Variants in ACAP2 observed in about 807,000 individuals in gnomAD.
ACAP2 encodes arf-GAP with coiled-coil, ANK repeat and PH domain-containing protein 2.
ACAP2 carries 39 observed loss-of-function variants against 115.8 expected under a neutral mutation model. The ratio of observed to expected loss-of-function variants is 0.34; its 90% CI spans 0.26 to 0.44. ACAP2 has a LOEUF of 0.44. Among genes scored for constraint, ACAP2 ranks in the 20% least tolerant of loss-of-function variants. The pLI, the probability that ACAP2 is intolerant of heterozygous loss-of-function variation, is 1.00. For synonymous variants in ACAP2, 289 were observed against 315.8 expected, an observed-to-expected ratio of 0.92 and a Z score of 0.90; for missense variants, 662 against 927.6, an observed-to-expected ratio of 0.71 and a Z score of 3.72.
chr3:195,408,219 TG>T lies in ACAP2; in HGVS notation c.54-16073del, dbSNP rs1712952249. Among the ~76,000 whole-genome samples the T allele has an allele frequency of 3.3e-5, 5 of 152,284 alleles. No homozygotes were observed. In the South Asian group the frequency reaches 1.0e-3, roughly 32 times the overall value. On this transcript the variant is annotated intron_variant, in intron 1 of 22. Coordinates refer to ENST00000326793, the MANE Select transcript of ACAP2 (RefSeq NM_012287.6). ...GCTCATGCCTGTAATCCCAGCACTTTGGGAGCCCAAGGCAGGCGGTCTGCTT... is the reference window on the plus strand; with the variant it reads ...GCTCATGCCTGTAATCCCAGCACTTTGGAGCCCAAGGCAGGCGGTCTGCTT...
intron 1 of ACAP2, among the ~76,000 whole-genome samples, chr3:195,392,482 TTTC>T (rs1180877874): frequency 6.6e-6 from 1 of 152,224 alleles, no homozygotes; most frequent in Non-Finnish European, 1.5e-5. Flanking sequence ...AAGAATTGGA[TTTC>T]TTGATAACAA....
chr3:195,291,817 T>A lies in ACAP2; in HGVS notation c.1954-2A>T. On this transcript the variant is annotated splice_acceptor_variant, in intron 19 of 22. Coordinates refer to ENST00000326793, the MANE Select transcript of ACAP2 (RefSeq NM_012287.6). LOFTEE classifies it high-confidence loss of function. Reference sequence around the variant, plus strand: ...GAACTCACACGTCACCAAAGAGCCCTTAAAGGAAAAAAGAGGATAACTATA... The same window carrying A: ...GAACTCACACGTCACCAAAGAGCCCATAAAGGAAAAAAGAGGATAACTATA... 1.2e-6 allele frequency: 2 copies of A among 1,603,070 alleles called. No individual in the cohort carries two copies. Among genetic ancestry groups the A allele is most frequent in the Admixed American group, 1.8e-5 (1 of 56,896 alleles).
intron 1 of ACAP2, among the ~76,000 whole-genome samples, chr3:195,396,094 T>C (rs1175520932): frequency 2.0e-5 from 3 of 151,420 alleles, no homozygotes; most frequent in Admixed American, 6.6e-5. Context: ...CTAATAAAAA[T>C]ATGAACATTA....
At chr3:195,345,123 G>A in intron 5 of ACAP2, 136 bp downstream of exon 5, 1 of 675,864 alleles carries the variant, frequency 1.5e-6, no homozygotes, top group Non-Finnish European at 2.6e-6. Context: ...AAGAAATGCA[G>A]CATGCATTTC....
In ACAP2 at chr3:195,351,133, CG is replaced by C. The variant is rs1218572453; in HGVS notation, c.286-5817del. ...AGATAAATCCTTTTTTTTTTTTGGGCGGGGGACAGGGTCTTGCTCTGTCGCC... is the reference window on the plus strand; with the variant it reads ...AGATAAATCCTTTTTTTTTTTTGGGCGGGGACAGGGTCTTGCTCTGTCGCC... On this transcript the variant is annotated intron_variant, in intron 4 of 22. Transcript: ENST00000326793. Among the ~76,000 whole-genome samples the C allele has an allele frequency of 5.7e-5, 8 of 140,998 alleles. No homozygotes were observed. The East Asian group carries it at 1.6e-3, about 29-fold the overall frequency. 92.5% of individuals were successfully genotyped at this position (140,998 alleles called of 152,430 possible).
At chr3:195,366,670 T>C (rs769553010) in intron 4 of ACAP2, among the ~76,000 whole-genome samples, 2 of 152,170 alleles carry the variant, frequency 1.3e-5, no homozygotes, top group African/African-American at 2.4e-5. Context: ...GCCTTAAAAA[T>C]TACTAATGCC....
chr3:195,357,581 G>A (rs1328986807), intron 4 of ACAP2: 1 of 152,188 alleles, frequency 6.6e-6, no homozygotes, highest in African/African-American at 2.4e-5. Flanking sequence ...CGATGGCGGC[G>A]ACAGGAGTGC....
At chr3:195,300,897 G>C (rs948044845) in intron 15 of ACAP2, among the ~76,000 whole-genome samples, 1 of 152,016 alleles carries the variant, frequency 6.6e-6, no homozygotes, top group African/African-American at 2.4e-5. Flanking sequence ...TGCATCTGTG[G>C]TGTCAATTGC....
rs756386507 is a variant in ACAP2, at chr3:195,302,165, T to C, written c.1126A>G (p.Lys376Glu). 1 of 1,610,938 alleles carries C rather than the reference T, an allele frequency of 6.2e-7. No homozygotes were observed. Among genetic ancestry groups the C allele is most frequent in the Non-Finnish European group, 8.5e-7 (1 of 1,178,976 alleles). ...CTTCCTGTGGATGGAGATGATTTCT[T>C]ATCCAGCTTCTAAAAGAATTAAGAA... Reference protein sequence around the residue: ...EKGDESEKLDKKSSPSTGSLD... With the variant: ...EKGDESEKLDEKSSPSTGSLD... The change falls in exon 14 of 23, where the codon AAG becomes GAG. Residue 376 changes from lysine (K) to glutamate (E), a missense_variant. Physicochemically the swap from Lys to Glu is moderately conservative, Grantham distance 56 (BLOSUM62 1). Coordinates refer to ENST00000326793, the MANE Select transcript of ACAP2 (RefSeq NM_012287.6).
chr3:195,352,949 C>T lies in ACAP2; in HGVS notation c.286-7632G>A, dbSNP rs545800333. ...TACCAAAATTAGCTGGGTGTGGTGG[C>T]GCACATCTGTAATCCTAGCTACTCA... On this transcript the variant is annotated intron_variant, in intron 4 of 22. Coordinates refer to ENST00000326793, the MANE Select transcript of ACAP2 (RefSeq NM_012287.6). 7.2e-5 allele frequency among the ~76,000 whole-genome samples: 11 copies of T among 151,986 alleles called. No individual in the cohort carries two copies. In the South Asian group the frequency reaches 2.1e-3, roughly 29 times the overall value.
intron 4 of ACAP2, among the ~76,000 whole-genome samples, chr3:195,346,733 T>C (rs1731211840): frequency 6.6e-6 from 1 of 152,246 alleles, no homozygotes; most frequent in African/African-American, 2.4e-5. Flanking sequence ...TTTATAGCAG[T>C]TTCATTCCTA....
intron 16 of ACAP2, 37 bp from the exon 17 acceptor site, chr3:195,295,929 T>G: frequency 7.7e-6 from 12 of 1,554,056 alleles, no homozygotes; most frequent in Non-Finnish European, 1.0e-5. Context: ...TTTTGCTTAA[T>G]CTCTCAGCAT....
At chr3:195,413,059 T>C (rs1443201463) in intron 1 of ACAP2, 1 of 270,198 alleles carries the variant, frequency 3.7e-6, no homozygotes, top group African/African-American at 2.2e-5. Context: ...AATTAAAATA[T>C]TCATGGTTGA....
At chr3:195,300,405 T>C (rs1034960740) in intron 15 of ACAP2, among the ~76,000 whole-genome samples, 37 of 152,336 alleles carry the variant, frequency 2.4e-4, no homozygotes, top group African/African-American at 8.4e-4. Flanking sequence ...ATCTATTTTC[T>C]ACAATATGGT....
intron 20 of ACAP2, 149 bp from the exon 21 acceptor site, chr3:195,289,380 T>C (rs1007002915): frequency 2.0e-5 from 13 of 648,478 alleles, no homozygotes; most frequent in Admixed American, 5.9e-5. Context: ...CTAACTCTAC[T>C]AACAAAAACT....
intron 2 of ACAP2, among the ~76,000 whole-genome samples, chr3:195,387,308 T>C (rs1734370348): frequency 6.6e-6 from 1 of 152,194 alleles, no homozygotes; most frequent in African/African-American, 2.4e-5. Flanking sequence ...TCAACAACTT[T>C]TTACTAAGCA....
chr3:195,349,803 G>A, intron 4 of ACAP2: 1 of 343,424 alleles, frequency 2.9e-6, no homozygotes, highest in South Asian at 2.6e-5. Context: ...AAGAGATCCA[G>A]AAATTTGCCA....
chr3:195,405,812 C>T lies in ACAP2; in HGVS notation c.54-13665G>A, dbSNP rs1030503160. On this transcript the variant is annotated intron_variant, in intron 1 of 22. Coordinates refer to ENST00000326793, the MANE Select transcript of ACAP2 (RefSeq NM_012287.6). ...AGGAAGGCCTCAGGAAACCAAATCA[C>T]GGCAGAAGGCAAAGGGGAAGCAAAT... 1.4e-4 allele frequency among the ~76,000 whole-genome samples: 21 copies of T among 152,166 alleles called. No individual in the cohort carries two copies. In the South Asian group the frequency reaches 2.5e-3, roughly 18 times the overall value.
intron 18 of ACAP2, among the ~76,000 whole-genome samples, chr3:195,293,963 C>A (rs6787739): frequency 0.013 from 2,005 of 151,044 alleles, 32 homozygotes; most frequent in African/African-American, 0.043. Context: ...GAAACCCCAC[C>A]TCTACTAAAA....
Sources: gnomAD v4.1 joint callset for allele counts (sites outside exome capture counted in the v4.1 genomes callset) on GRCh38, gnomAD v4.1.1 for gene constraint, MANE v1.5 for transcripts, NCBI Gene and HGNC (gene_info 2026-07-23, HGNC 2026-07-21) for gene names.